PTPRK: variants seen among roughly 807,000 people sequenced by gnomAD.
PTPRK encodes protein tyrosine phosphatase receptor type K, also known as receptor-type tyrosine-protein phosphatase kappa.
A neutral mutation model predicts 178.0 loss-of-function variants in PTPRK; 75 were observed. That is an observed-to-expected ratio of 0.42 (90% CI 0.35 to 0.51). The LOEUF is 0.51. Ranked by LOEUF, PTPRK falls within the 20% of genes least tolerant of loss-of-function variation. The pLI, the probability that PTPRK is intolerant of heterozygous loss-of-function variation, is 0.02. For synonymous variants in PTPRK, 637 were observed against 620.6 expected (o/e 1.03, Z -0.39); for missense variants, 1,441 against 1,797.8 (o/e 0.80, Z 3.59).
chr6:128,079,562 AG>A (rs1178109499), intron 10 of PTPRK, among the ~76,000 whole-genome samples: 2 of 151,954 alleles, frequency 1.3e-5, no homozygotes, highest in Non-Finnish European at 2.9e-5. Flanking sequence ...TAGGATCTTG[AG>A]GGGGAAAAAG....
chr6:128,110,230 C>T (rs925287097), intron 7 of PTPRK, among the ~76,000 whole-genome samples: 6 of 152,050 alleles, frequency 3.9e-5, no homozygotes, highest in African/African-American at 1.4e-4. Flanking sequence ...AACCTATCAA[C>T]ACTACTTTTG....
chr6:128,473,582 C>A (rs539058161), intron 1 of PTPRK, among the ~76,000 whole-genome samples: 46 of 151,954 alleles, frequency 3.0e-4, no homozygotes, highest in African/African-American at 9.6e-4. Flanking sequence ...TGGTAATTTT[C>A]CTAATTGATT....
chr6:128,187,598 A>G (rs1802995815), intron 6 of PTPRK, among the ~76,000 whole-genome samples: 1 of 152,154 alleles, frequency 6.6e-6, no homozygotes. Flanking sequence ...ATTAATATTC[A>G]ACACTAGTGT....
intron 3 of PTPRK, among the ~76,000 whole-genome samples, chr6:128,286,011 C>G (rs149274305): frequency 1.3e-5 from 2 of 152,124 alleles, no homozygotes; most frequent in Non-Finnish European, 2.9e-5. Context: ...CCTTTCTGTA[C>G]GGGACCCAGA....
At chr6:128,511,541 G>C (rs1207860984) in intron 1 of PTPRK, among the ~76,000 whole-genome samples, 2 of 152,134 alleles carry the variant, frequency 1.3e-5, no homozygotes, top group African/African-American at 4.8e-5. Context: ...GCCTCTATAT[G>C]GAGCCTAAGA....
At chr6:128,266,531 T>C (rs1234503211) in intron 3 of PTPRK, among the ~76,000 whole-genome samples, 2 of 152,174 alleles carry the variant, frequency 1.3e-5, no homozygotes, top group African/African-American at 4.8e-5. Context: ...ATCTTGATTA[T>C]GCTACTTACT....
At chr6:128,211,291 C>T (rs1462024064) in intron 6 of PTPRK, among the ~76,000 whole-genome samples, 1 of 152,060 alleles carries the variant, frequency 6.6e-6, no homozygotes, top group Non-Finnish European at 1.5e-5. Flanking sequence ...CAATATTTCC[C>T]TTTTTTTCTA....
rs971300244 is a variant in PTPRK at position 128,206,186 on chromosome 6, T to C, written c.868+12736A>G. The stretch of plus-strand genomic sequence containing the variant: ...CAAATATGTTAATCAAATCAATGAA[T>C]ATATAGGGTTTTTATGTCAATAATA... On this transcript the variant is annotated intron_variant, in intron 6 of 29. Coordinates refer to ENST00000368226, the MANE Select transcript of PTPRK (RefSeq NM_002844.4). Among the ~76,000 whole-genome samples, 38 of 151,830 alleles carry C rather than the reference T, an allele frequency of 2.5e-4. 2 individuals are homozygous for C. Among genetic ancestry groups the C allele is most frequent in the Admixed American group, 2.2e-3 (34 of 15,224 alleles).
chr6:128,324,517 G>A (rs1465471545), intron 2 of PTPRK, among the ~76,000 whole-genome samples: 2 of 151,972 alleles, frequency 1.3e-5, no homozygotes, highest in African/African-American at 4.8e-5. Flanking sequence ...TGATCACTAG[G>A]AAGACAAAAG....
At chr6:128,038,659 A>T (rs1420010773) in intron 13 of PTPRK, among the ~76,000 whole-genome samples, 1 of 152,204 alleles carries the variant, frequency 6.6e-6, no homozygotes, top group African/African-American at 2.4e-5. Flanking sequence ...GCACTTAAAG[A>T]CATTCCAAAG....
chr6:128,301,874 G>A (rs1825666925), intron 3 of PTPRK, among the ~76,000 whole-genome samples: 1 of 152,102 alleles, frequency 6.6e-6, no homozygotes, highest in Non-Finnish European at 1.5e-5. Flanking sequence ...TATTATCTCA[G>A]GGATTTATGT....
intron 2 of PTPRK, among the ~76,000 whole-genome samples, chr6:128,348,501 T>A (rs146484516): frequency 6.6e-6 from 1 of 151,816 alleles, no homozygotes; most frequent in Non-Finnish European, 1.5e-5. Context: ...TTAAAAACTA[T>A]GTTTATTGTA....
rs1467671238 is a variant in PTPRK at position 127,998,863 on chromosome 6, C to A, written c.2536G>T (p.Asp846Tyr). The A allele has an allele frequency of 1.3e-6, 2 of 1,596,392 alleles. No individual in the cohort carries two copies. The highest frequency in any genetic ancestry group is 2.2e-5 in the South Asian group (2 of 89,092). ...CCCTCACAGAGGTAGCGAGGTACGT[C>A]TAGAAGGCGACTGGACTCTGCTGTA... ...SATAESSRLL[D>Y]VPRYLCEGTE... is the part of the protein sequence containing the mutation. The change falls in exon 16 of 30, where the codon GAC becomes TAC. Residue 846 changes from aspartate to tyrosine, a missense_variant. Physicochemically the swap from Asp to Tyr is radical, Grantham distance 160. Transcript: ENST00000368226.
chr6:128,063,640 G>A lies in PTPRK; in HGVS notation c.2194+1118C>T, dbSNP rs183471465. The A allele has an allele frequency of 2.8e-3, 425 of 152,108 alleles. 5 individuals are homozygous for A. Among genetic ancestry groups the A allele is most frequent in the African/African-American group, 9.7e-3 (403 of 41,500 alleles). 9.4% of individuals were successfully genotyped at this position (152,108 alleles called of 1,614,324 possible). A position where few individuals can be genotyped will look rare whatever the true frequency, so the allele number is the denominator to read the frequency against. ...TTTTAAAATAAAATCCTTATACATC[G>A]TATGTATCTGTGTATATTTTCTCTT... is the stretch of plus-strand genomic sequence containing the variant. On this transcript the variant is annotated intron_variant, in intron 13 of 29. Coordinates refer to ENST00000368226, the MANE Select transcript of PTPRK (RefSeq NM_002844.4).
intron 7 of PTPRK, among the ~76,000 whole-genome samples, chr6:128,121,166 A>T (rs568399864): frequency 6.6e-6 from 1 of 152,166 alleles, no homozygotes; most frequent in East Asian, 1.9e-4. Context: ...TAACTTAAAA[A>T]ATAAAGGTAA....
At chr6:128,035,367 A>AAAAT (rs34826115) in intron 13 of PTPRK, among the ~76,000 whole-genome samples, 27,661 of 151,052 alleles carry the variant, frequency 0.18, 2,907 homozygotes, top group African/African-American at 0.28. Flanking sequence ...ACTCTGTCTC[A>AAAAT]AAATAAATAA....
At chr6:128,139,857 C>T (rs966537259) in intron 7 of PTPRK, among the ~76,000 whole-genome samples, 3 of 147,586 alleles carry the variant, frequency 2.0e-5, no homozygotes, top group African/African-American at 7.5e-5. Context: ...CTTAACAGTG[C>T]CAAGGTTTTG....
At position 128,520,457 on chromosome 6, in the gene PTPRK, A is replaced by G; in HGVS notation, c.-99T>C. The G allele has an allele frequency of 8.5e-7, 1 of 1,181,756 alleles. No homozygotes were observed. Among genetic ancestry groups the G allele is most frequent in the Non-Finnish European group, 1.2e-6 (1 of 818,670 alleles). 73.2% of individuals were successfully genotyped at this position (1,181,756 alleles called of 1,614,324 possible). ...GGAGCGGGCCGGGCCTCGCGGGGTG[A>G]GGACGGTGAGAGGACAGCCGCCCGC... is the stretch of plus-strand genomic sequence containing the variant. On this transcript the variant is annotated 5_prime_UTR_variant, in exon 1 of 30. Coordinates refer to ENST00000368226, the MANE Select transcript of PTPRK (RefSeq NM_002844.4).
intron 1 of PTPRK, among the ~76,000 whole-genome samples, chr6:128,404,876 C>T (rs972274831): frequency 2.6e-5 from 4 of 152,176 alleles, no homozygotes; most frequent in Non-Finnish European, 5.9e-5. Context: ...ACTATGGGTT[C>T]TTTACTCTTA....
Sources: allele counts gnomAD v4.1 joint callset (sites outside exome capture counted in the v4.1 genomes callset), GRCh38; gene constraint gnomAD v4.1.1; transcripts MANE v1.5; gene names NCBI Gene and HGNC (gene_info 2026-07-23, HGNC 2026-07-21).